ARL15: variants seen among roughly 807,000 people sequenced by gnomAD.
ARL15 encodes the protein ADP-ribosylation factor-like protein 15.
Under a neutral mutation model 25.2 loss-of-function variants are expected in ARL15, and 19 were observed. The ratio of observed to expected loss-of-function variants is 0.75; its 90% CI spans 0.53 to 1.10. The LOEUF is 1.10. Among genes scored for constraint, ARL15 ranks in the 50% least tolerant of loss-of-function variants. The probability of loss-of-function intolerance (pLI) is 0.00; values close to 1 mark genes in which losing one functional copy is unlikely to be tolerated. For synonymous variants in ARL15, 94 were observed against 86.8 expected, an observed-to-expected ratio of 1.08 and a Z score of -0.46; for missense variants, 220 against 246.0, an observed-to-expected ratio of 0.89 and a Z score of 0.71.
At chr5:53,933,705 T>C (rs1196362577) in intron 4 of ARL15, among the ~76,000 whole-genome samples, 1 of 149,880 alleles carries the variant, frequency 6.7e-6, no homozygotes, top group Non-Finnish European at 1.5e-5. Context: ...AATGAACACT[T>C]AAAAAGCTTA....
chr5:54,066,284 T>G (rs1159765804), intron 4 of ARL15, among the ~76,000 whole-genome samples: 1 of 152,124 alleles, frequency 6.6e-6, no homozygotes, highest in Non-Finnish European at 1.5e-5. Flanking sequence ...AGCGACATAG[T>G]GCATATATGA....
intron 1 of ARL15, among the ~76,000 whole-genome samples, chr5:54,209,333 AAGAGAGAGAG>A (rs71600812): frequency 6.7e-6 from 1 of 148,552 alleles, no homozygotes; most frequent in South Asian, 2.2e-4. Flanking sequence ...TAAAAAGAGA[AAGAGAGAGAG>A]AGAGAGAGAG....
chr5:54,172,044 T>C (rs1243543019), intron 1 of ARL15, 116 bp from the exon 2 acceptor site: 1 of 1,267,134 alleles, frequency 7.9e-7, no homozygotes, highest in East Asian at 2.6e-5. Context: ...GTATTACCTA[T>C]AAGGAAGAAA....
At chr5:54,131,322 G>A (rs1318914063) in intron 3 of ARL15, among the ~76,000 whole-genome samples, 2 of 152,120 alleles carry the variant, frequency 1.3e-5, no homozygotes, top group Admixed American at 6.5e-5. Context: ...TGGTCAAAAT[G>A]AACTGCTCGT....
chr5:54,242,138 C>A (rs1468608986), intron 1 of ARL15, among the ~76,000 whole-genome samples: 3 of 152,034 alleles, frequency 2.0e-5, no homozygotes, highest in Admixed American at 2.0e-4. Context: ...TCTTCTCCTG[C>A]ATCACTTTTA....
chr5:54,021,764 TGAA>T (rs1749610456), intron 4 of ARL15, among the ~76,000 whole-genome samples: 1 of 152,116 alleles, frequency 6.6e-6, no homozygotes, highest in African/African-American at 2.4e-5. Context: ...ACATAATGAT[TGAA>T]GAAGTTTACA....
chr5:54,032,726 T>C (rs1244939971), intron 4 of ARL15, among the ~76,000 whole-genome samples: 4 of 152,120 alleles, frequency 2.6e-5, no homozygotes, highest in African/African-American at 4.8e-5. Flanking sequence ...AGGATAGGGA[T>C]GTTTGGTATT....
chr5:54,188,540 T>TA (rs920918232), intron 1 of ARL15, among the ~76,000 whole-genome samples: 33 of 125,554 alleles, frequency 2.6e-4, no homozygotes, highest in African/African-American at 9.7e-4. Context: ...TCAAGGGAAT[T>TA]AGACATGGAC....
chr5:54,137,443 T>C (rs1753637971), intron 3 of ARL15, among the ~76,000 whole-genome samples: 1 of 152,180 alleles, frequency 6.6e-6, no homozygotes, highest in Non-Finnish European at 1.5e-5. Flanking sequence ...CCACAACCTT[T>C]TCTTCCACTC....
intron 4 of ARL15, among the ~76,000 whole-genome samples, chr5:54,069,379 T>A (rs1323952322): frequency 6.6e-6 from 1 of 151,916 alleles, no homozygotes; most frequent in East Asian, 1.9e-4. Context: ...GAGACCAGCC[T>A]GGCCAACATG....
chr5:54,053,068 A>G (rs1397396624), intron 4 of ARL15, among the ~76,000 whole-genome samples: 1 of 152,194 alleles, frequency 6.6e-6, no homozygotes, highest in Non-Finnish European at 1.5e-5. Flanking sequence ...TTTAAGCAAC[A>G]AAATAACAGA....
chr5:54,144,587 G>A (rs973008228), intron 3 of ARL15, among the ~76,000 whole-genome samples: 2 of 151,560 alleles, frequency 1.3e-5, no homozygotes, highest in African/African-American at 4.9e-5. Flanking sequence ...TTTTTCATTT[G>A]GCATCTTTCT....
intron 4 of ARL15, among the ~76,000 whole-genome samples, chr5:53,966,575 C>A (rs1213315147): frequency 6.6e-6 from 1 of 152,126 alleles, no homozygotes; most frequent in South Asian, 2.1e-4. Context: ...TGAACCCCAG[C>A]ATGTGGGATC....
chr5:54,104,006 G>C (rs894827446), intron 4 of ARL15, among the ~76,000 whole-genome samples: 2 of 152,156 alleles, frequency 1.3e-5, no homozygotes, highest in Non-Finnish European at 2.9e-5. Flanking sequence ...TGGCTTTGCT[G>C]TGATTACTGG....
At chr5:54,238,629 C>T (rs1398292734) in intron 1 of ARL15, among the ~76,000 whole-genome samples, 3 of 152,180 alleles carry the variant, frequency 2.0e-5, no homozygotes, top group African/African-American at 7.2e-5. Flanking sequence ...CTGACTTTGA[C>T]ATTAAGCCGA....
intron 4 of ARL15, among the ~76,000 whole-genome samples, chr5:53,958,066 C>T (rs1456535149): frequency 6.6e-6 from 1 of 151,528 alleles, no homozygotes; most frequent in Non-Finnish European, 1.5e-5. Flanking sequence ...AAAAATTAAC[C>T]AGGCACGGTG....
chr5:54,066,500 A>G (rs900449526), intron 4 of ARL15, among the ~76,000 whole-genome samples: 1 of 152,216 alleles, frequency 6.6e-6, no homozygotes, highest in African/African-American at 2.4e-5. Context: ...GGATCTATAT[A>G]TCATGAAAGA....
chr5:53,917,676 CAA>C (rs1434980451), intron 4 of ARL15, among the ~76,000 whole-genome samples: 1 of 152,168 alleles, frequency 6.6e-6, no homozygotes, highest in Non-Finnish European at 1.5e-5. Context: ...CAGTGCTCTT[CAA>C]GTCTCTGGCT....
At chr5:54,117,919 C>T (rs1261316446) in intron 3 of ARL15, among the ~76,000 whole-genome samples, 2 of 152,114 alleles carry the variant, frequency 1.3e-5, no homozygotes, top group Non-Finnish European at 2.9e-5. Flanking sequence ...AGCCTGACAG[C>T]TTTTCAGTGA....
Sources: allele counts gnomAD v4.1 joint callset (sites outside exome capture counted in the v4.1 genomes callset), GRCh38; gene constraint gnomAD v4.1.1; transcripts MANE v1.5; gene names NCBI Gene and HGNC (gene_info 2026-07-23, HGNC 2026-07-21).